The following LPAR5 variants were observed in gnomAD, a reference collection of about 807,000 sequenced individuals.
LPAR5 encodes lysophosphatidic acid receptor 5, also known as G protein-coupled receptor 92.
For missense variants in LPAR5, 544 were observed against 521.8 expected, an observed-to-expected ratio of 1.04 and a Z score of -0.41; for synonymous variants, 271 against 261.6, an observed-to-expected ratio of 1.04 and a Z score of -0.35.
rs759974738 is a variant in LPAR5, at chr12:6,619,884, T to C, written c.*246A>G. ...TTCTGCCCTCTGCACGGGTGGGCTC[T>C]CTGCATCACTTCCCACCGCTGGAGA... On this transcript the variant is annotated 3_prime_UTR_variant, in exon 2 of 2. Transcript: ENST00000329858. The C allele has an allele frequency of 6.9e-5, 48 of 692,544 alleles. No homozygotes were observed. In the South Asian group the frequency reaches 7.2e-4, roughly 10 times the overall value. The allele number at this position is 692,544 out of a possible 1,614,324, so 42.9% of individuals were successfully genotyped here. A position where few individuals can be genotyped will look rare whatever the true frequency, so the allele number is the denominator to read the frequency against.
intron 1 of LPAR5, among the ~76,000 whole-genome samples, chr12:6,622,718 G>C (rs1334586730): frequency 6.6e-6 from 1 of 151,890 alleles, no homozygotes; most frequent in East Asian, 1.9e-4. Context: ...ACTCCGGCCT[G>C]GGTGACAGAG....
chr12:6,634,715 G>A (rs1222793298), intron 1 of LPAR5, among the ~76,000 whole-genome samples: 26 of 150,646 alleles, frequency 1.7e-4, no homozygotes, highest in African/African-American at 5.9e-4. Context: ...AGGATTGCTT[G>A]AACCCAGGAG....
intron 1 of LPAR5, among the ~76,000 whole-genome samples, chr12:6,628,892 A>G (rs1948963760): frequency 1.3e-5 from 2 of 151,096 alleles, no homozygotes; most frequent in East Asian, 4.0e-4. Flanking sequence ...TCAGCCTCCA[A>G]AAAATGCTGG....
At chr12:6,633,893 GT>G (rs1448668558) in intron 1 of LPAR5, among the ~76,000 whole-genome samples, 1 of 152,136 alleles carries the variant, frequency 6.6e-6, no homozygotes, top group Non-Finnish European at 1.5e-5. Flanking sequence ...ATGTGAGTAA[GT>G]TTCTGTCTCA....
intron 1 of LPAR5, among the ~76,000 whole-genome samples, chr12:6,626,428 A>G (rs1279950089): frequency 6.6e-6 from 1 of 152,156 alleles, no homozygotes; most frequent in Non-Finnish European, 1.5e-5. Flanking sequence ...TTTTTCTTGT[A>G]TTTGGTTTTG....
At chr12:6,629,995 G>C (rs184934319) in intron 1 of LPAR5, among the ~76,000 whole-genome samples, 200 of 152,270 alleles carry the variant, frequency 1.3e-3, no homozygotes, top group Non-Finnish European at 2.5e-3. Flanking sequence ...CTGCACTCCA[G>C]CCTGGGTGAC....
chr12:6,627,252 ACTGCACTAC>A (rs1948947901), intron 1 of LPAR5, among the ~76,000 whole-genome samples: 1 of 152,186 alleles, frequency 6.6e-6, no homozygotes, highest in African/African-American at 2.4e-5. Context: ...AGATCATGCC[ACTGCACTAC>A]AGTTTGGGCA....
chr12:6,627,871 A>T (rs1948952540), intron 1 of LPAR5, among the ~76,000 whole-genome samples: 1 of 131,262 alleles, frequency 7.6e-6, no homozygotes, highest in African/African-American at 2.8e-5. Context: ...TAATCCTGTG[A>T]TAATAGCTCT....
Position 6,620,335 on chromosome 12 carries a change from C to G in LPAR5, c.914G>C (p.Arg305Pro). 1 of 1,610,068 alleles carries G rather than the reference C, an allele frequency of 6.2e-7. No homozygotes were observed. The highest frequency in any genetic ancestry group is 1.1e-5 in the South Asian group (1 of 90,784). Residue 305 changes from arginine to proline, a missense_variant, in exon 2 of 2, where the codon CGC (arginine) becomes CCC (proline). Transcript: ENST00000329858. The surrounding 1 kb of genome is among the most constrained non-coding windows in gnomAD (Gnocchi z 6.8). ...AGTGCCCAGGCCGCGCAGGGTGTTG[C>G]GGAAGCCCTCGGCGCTAAAGTAGTA... ...LVYYFSAEGF[R>P]NTLRGLGTPH...
chr12:6,628,021 C>CT (rs1296336106), intron 1 of LPAR5, among the ~76,000 whole-genome samples: 1 of 112,830 alleles, frequency 8.9e-6, no homozygotes, highest in South Asian at 3.3e-4. Flanking sequence ...TTTTCTTTTT[C>CT]TTTTTTCTTT....
rs542222526 is a variant in LPAR5, at chr12:6,628,912, C to A, written c.-217+6995G>T. Among the ~76,000 whole-genome samples, 192 of 151,600 alleles carry A rather than the reference C, an allele frequency of 1.3e-3. 1 individual carries two copies. The Middle Eastern group carries it at 0.024, about 19-fold the overall frequency. ...CTCCAAAAAATGCTGGGATTACAGG[C>A]GTGAACCACCATGCCCGGCCAATTT... On this transcript the variant is annotated intron_variant, in intron 1 of 1. Transcript: ENST00000329858.
intron 1 of LPAR5, among the ~76,000 whole-genome samples, chr12:6,625,558 G>A (rs775135574): frequency 1.7e-4 from 25 of 146,984 alleles, no homozygotes; most frequent in East Asian, 4.1e-4. Flanking sequence ...CGTCTCTACT[G>A]AAAATACAAA....
chr12:6,630,497 G>A (rs1313736717), intron 1 of LPAR5, among the ~76,000 whole-genome samples: 1 of 131,438 alleles, frequency 7.6e-6, no homozygotes, highest in Non-Finnish European at 1.6e-5. Context: ...CCGTTGCCCA[G>A]GCTGGAGTGC....
At chr12:6,627,526 G>A (rs1200082980) in intron 1 of LPAR5, among the ~76,000 whole-genome samples, 1 of 152,170 alleles carries the variant, frequency 6.6e-6, no homozygotes, top group Non-Finnish European at 1.5e-5. Context: ...AAGGGGCGGA[G>A]GTTGCAGTGA....
intron 1 of LPAR5, among the ~76,000 whole-genome samples, chr12:6,630,528 C>G (rs1419340570): frequency 7.7e-6 from 1 of 130,408 alleles, no homozygotes; most frequent in Admixed American, 9.7e-5. Flanking sequence ...TCTCAGCTCA[C>G]TGCAACCTTT....
intron 1 of LPAR5, among the ~76,000 whole-genome samples, chr12:6,628,260 A>T (rs1455624489): frequency 6.6e-6 from 1 of 152,052 alleles, no homozygotes; most frequent in Non-Finnish European, 1.5e-5. Flanking sequence ...TGACCTCGTG[A>T]TCTGCCCGCC....
At chr12:6,628,692 G>T (rs1948962195) in intron 1 of LPAR5, among the ~76,000 whole-genome samples, 1 of 149,408 alleles carries the variant, frequency 6.7e-6, no homozygotes, top group Admixed American at 6.7e-5. Context: ...GAGTGCAATG[G>T]CACGATCTCC....
Position 6,620,477 on chromosome 12 carries a change from C to T in LPAR5, c.772G>A (p.Gly258Arg), listed in dbSNP as rs1592296057. ...VPYNSTLAVY[G>R]LLRSKLVAAS... ...GCCACCAGCTTGCTCCGCAGCAGCC[C>T]GTAGACCGCCAGCGTGCTGTTGTAG... Residue 258 changes from glycine to arginine, a missense_variant, in exon 2 of 2, where the codon GGG (glycine) becomes AGG (arginine). By Grantham distance (125) the Gly-to-Arg change is moderately radical (BLOSUM62 -2). Transcript: ENST00000329858. The surrounding 1 kb of genome is among the most constrained non-coding windows in gnomAD (Gnocchi z 6.8). 6.3e-7 allele frequency: 1 copy of T among 1,588,346 alleles called. No individual in the cohort carries two copies. Among genetic ancestry groups the T allele is most frequent in the Non-Finnish European group, 8.6e-7 (1 of 1,167,300 alleles).
intron 1 of LPAR5, among the ~76,000 whole-genome samples, chr12:6,624,809 G>A (rs1485650440): frequency 1.3e-5 from 2 of 151,898 alleles, no homozygotes; most frequent in East Asian, 2.0e-4. Flanking sequence ...TAGTAGAGAC[G>A]AGGTTTCTCC....
Sources: allele counts gnomAD v4.1 joint callset (sites outside exome capture counted in the v4.1 genomes callset), GRCh38; gene constraint gnomAD v4.1.1; non-coding constraint Gnocchi (gnomAD v3.1); transcripts MANE v1.5; gene names NCBI Gene and HGNC (gene_info 2026-07-23, HGNC 2026-07-21).